STX18: variants seen among roughly 807,000 people sequenced by gnomAD.
STX18 encodes syntaxin 18.
Under a neutral mutation model 50.1 loss-of-function variants are expected in STX18, and 40 were observed. The observed-to-expected ratio is 0.80, with a 90% confidence interval of 0.62 to 1.04. The LOEUF is 1.04. STX18 is among the 50% of genes least tolerant of loss of function. STX18 has a pLI of 0.00. For missense variants in STX18, 410 were observed against 415.8 expected, an observed-to-expected ratio of 0.99 and a Z score of 0.12; for synonymous variants, 158 against 151.8, an observed-to-expected ratio of 1.04 and a Z score of -0.30.
intron 1 of STX18, among the ~76,000 whole-genome samples, chr4:4,498,031 T>C (rs569498925): frequency 1.3e-5 from 2 of 152,312 alleles, no homozygotes; most frequent in Admixed American, 6.5e-5. Flanking sequence ...GTGGGCGATG[T>C]TGTGTTTTCC....
At chr4:4,507,877 C>T (rs995110421) in intron 1 of STX18, 1 of 568,956 alleles carries the variant, frequency 1.8e-6, no homozygotes, top group Non-Finnish European at 3.1e-6. Flanking sequence ...ATACGAGTTT[C>T]CTAGTCCCTT....
intron 2 of STX18, among the ~76,000 whole-genome samples, chr4:4,461,373 C>G (rs1392611998): frequency 6.6e-6 from 1 of 152,098 alleles, no homozygotes; most frequent in Non-Finnish European, 1.5e-5. Flanking sequence ...TAATTAAAAT[C>G]ATTCAGAGAT....
intron 1 of STX18, among the ~76,000 whole-genome samples, chr4:4,492,494 GA>G (rs1453723339): frequency 1.3e-5 from 2 of 152,000 alleles, no homozygotes; most frequent in Non-Finnish European, 2.9e-5. Flanking sequence ...GTGTGAGCAA[GA>G]AAAAAAGCAT....
chr4:4,444,637 A>G (rs1726292259), intron 5 of STX18, among the ~76,000 whole-genome samples: 1 of 152,164 alleles, frequency 6.6e-6, no homozygotes, highest in Admixed American at 6.5e-5. Context: ...TGGTGATTTT[A>G]ATCTGTATTC....
chr4:4,537,124 CT>C (rs1322787026), intron 1 of STX18, among the ~76,000 whole-genome samples: 13 of 152,310 alleles, frequency 8.5e-5, no homozygotes, highest in Middle Eastern at 3.4e-3. Context: ...GTAGCCCCCC[CT>C]GGCTCCTGTA....
intron 9 of STX18, among the ~76,000 whole-genome samples, chr4:4,422,735 G>T (rs772437996): frequency 1.3e-5 from 2 of 152,146 alleles, no homozygotes; most frequent in Non-Finnish European, 2.9e-5. Flanking sequence ...CTATGAACCC[G>T]AACTTGCAAA....
At chr4:4,447,223 A>AATTTTCAG (rs1245934254) in intron 5 of STX18, among the ~76,000 whole-genome samples, 2 of 152,188 alleles carry the variant, frequency 1.3e-5, no homozygotes, top group Non-Finnish European at 2.9e-5. Flanking sequence ...CATCTGCCAG[A>AATTTTCAG]ATTTTCAGAT....
chr4:4,534,340 C>G (rs567222305), intron 1 of STX18, among the ~76,000 whole-genome samples: 9 of 152,358 alleles, frequency 5.9e-5, no homozygotes, highest in African/African-American at 1.9e-4. Flanking sequence ...GCACTCAACT[C>G]TAACCCTGAA....
chr4:4,446,864 A>T (rs138438026), intron 5 of STX18, among the ~76,000 whole-genome samples: 1 of 152,374 alleles, frequency 6.6e-6, no homozygotes, highest in East Asian at 1.9e-4. Context: ...AGCCTTATCC[A>T]TCATAGCCAA....
intron 5 of STX18, among the ~76,000 whole-genome samples, chr4:4,440,070 G>T (rs1026558441): frequency 6.6e-6 from 1 of 152,148 alleles, no homozygotes; most frequent in Non-Finnish European, 1.5e-5. Flanking sequence ...ACAAGTAACT[G>T]GTTAATAAGA....
At chr4:4,425,254 T>C (rs767455159) in intron 7 of STX18, 32 bp from the exon 8 acceptor site, 3 of 1,597,816 alleles carry the variant, frequency 1.9e-6, no homozygotes, top group Admixed American at 3.3e-5. Flanking sequence ...CAGGATGACA[T>C]CATACTGAAC....
chr4:4,467,480 G>A (rs554317697), intron 2 of STX18, among the ~76,000 whole-genome samples: 2 of 152,266 alleles, frequency 1.3e-5, no homozygotes, highest in South Asian at 2.1e-4. Context: ...ACTGGTGAGA[G>A]AGGAAGCCAC....
chr4:4,527,867 C>CACACACATAT (rs372566368), intron 1 of STX18, among the ~76,000 whole-genome samples: 3 of 137,206 alleles, frequency 2.2e-5, no homozygotes, highest in African/African-American at 5.3e-5. Flanking sequence ...CACACACACA[C>CACACACATAT]ATATATATAT....
chr4:4,469,159 T>C (rs1727780659), intron 2 of STX18, among the ~76,000 whole-genome samples: 1 of 152,098 alleles, frequency 6.6e-6, no homozygotes, highest in African/African-American at 2.4e-5. Flanking sequence ...AGCCATATGG[T>C]TGGCGCAGAG....
At chr4:4,519,378 A>C (rs925429489) in intron 1 of STX18, among the ~76,000 whole-genome samples, 1 of 152,250 alleles carries the variant, frequency 6.6e-6, no homozygotes. Flanking sequence ...AAATAACCTA[A>C]TCAATCTATC....
chr4:4,541,685 G>C (rs1731604990), intron 1 of STX18, 112 bp downstream of exon 1: 1 of 1,270,808 alleles, frequency 7.9e-7, no homozygotes, highest in Non-Finnish European at 1.1e-6. Flanking sequence ...GTCCCCCTTA[G>C]AGCCACCCCC....
At position 4,531,175 on chromosome 4, in the gene STX18, A is replaced by ACC. The variant is rs1553852620; in HGVS notation, c.168+10620_168+10621dup. On this transcript the variant is annotated intron_variant, in intron 1 of 10. Coordinates refer to ENST00000306200, the MANE Select transcript of STX18 (RefSeq NM_016930.4). ...TTTACACACACACACACACACACAC[A>ACC]CCCTGGACTAATGGGTTTCACTAAA... Among the ~76,000 whole-genome samples the ACC allele has an allele frequency of 2.0e-5, 3 of 151,806 alleles. No homozygotes were observed. The East Asian group carries it at 5.8e-4, about 29-fold the overall frequency.
At position 4,470,767 on chromosome 4, in the gene STX18, T is replaced by C. The variant is rs571648765; in HGVS notation, c.236+872A>G. Among the ~76,000 whole-genome samples, 9 of 152,236 alleles carry C rather than the reference T, an allele frequency of 5.9e-5. No individual in the cohort carries two copies. In the East Asian group the frequency reaches 1.7e-3, roughly 30 times the overall value. Reference sequence around the variant, plus strand: ...CTGGGCCCTGCACCAGGAAAGGGCATGGCACCTTTAAGGAAGGCTGGCATG... The same window carrying C: ...CTGGGCCCTGCACCAGGAAAGGGCACGGCACCTTTAAGGAAGGCTGGCATG... On this transcript the variant is annotated intron_variant, in intron 2 of 10. Coordinates refer to ENST00000306200, the MANE Select transcript of STX18 (RefSeq NM_016930.4).
chr4:4,440,688 A>G (rs1176551087), intron 5 of STX18, among the ~76,000 whole-genome samples: 1 of 152,268 alleles, frequency 6.6e-6, no homozygotes, highest in African/African-American at 2.4e-5. Context: ...CACTCTCTTC[A>G]CAGAGTTTTT....
Sources: allele counts gnomAD v4.1 joint callset (sites outside exome capture counted in the v4.1 genomes callset), GRCh38; gene constraint gnomAD v4.1.1; transcripts MANE v1.5; gene names NCBI Gene and HGNC (gene_info 2026-07-23, HGNC 2026-07-21).